The following PPP4R3A variants were observed in gnomAD, a reference collection of about 807,000 sequenced individuals.
The protein encoded by PPP4R3A is protein phosphatase 4 regulatory subunit 3A, also known as serine/threonine-protein phosphatase 4 regulatory subunit 3A.
A neutral mutation model predicts 91.7 loss-of-function variants in PPP4R3A; 15 were observed. The observed-to-expected ratio is 0.16, with a 90% CI of 0.11 to 0.25. The LOEUF is 0.25. Among genes scored for constraint, PPP4R3A ranks in the 10% least tolerant of loss-of-function variants. The pLI, the probability that PPP4R3A is intolerant of heterozygous loss-of-function variation, is 1.00. For missense variants in PPP4R3A, 623 were observed against 998.4 expected (o/e 0.62, Z 5.07); for synonymous variants, 377 against 348.7 (o/e 1.08, Z -0.91).
At position 91,458,660 on chromosome 14, in the gene PPP4R3A, TTCAC is replaced by T; in HGVS notation, c.*95_*98del. The stretch of plus-strand genomic sequence containing the variant: ...GTAAGAGGCTGATCTGTGTCAGTCA[TTCAC>T]AAGAGACCACTGCGCTTTGTTGTGG... On this transcript the variant is annotated 3_prime_UTR_variant, in exon 15 of 15. Coordinates refer to ENST00000554943, the MANE Select transcript of PPP4R3A (RefSeq NM_001366432.2). 1 of 1,557,558 alleles carries T rather than the reference TTCAC, an allele frequency of 6.4e-7. No individual in the cohort carries two copies. The highest frequency in any genetic ancestry group is 8.9e-7 in the Non-Finnish European group (1 of 1,129,552).
chr14:91,505,948 A>AT (rs5810541), intron 1 of PPP4R3A, among the ~76,000 whole-genome samples: 55,398 of 148,378 alleles, frequency 0.37, 10,366 homozygotes, highest in East Asian at 0.47. Flanking sequence ...TATAATTGAA[A>AT]TTTTTTTTTT....
In PPP4R3A at chr14:91,494,297, A is replaced by G. The variant is rs576631552; in HGVS notation, c.143-3495T>C. On this transcript the variant is annotated intron_variant, in intron 1 of 14. Transcript: ENST00000554943. Reference sequence around the variant, plus strand: ...ACTGCACAAAAGTACAACCTATATAAAAGAAAAAATTGGGCATCACAATTA... The same window carrying G: ...ACTGCACAAAAGTACAACCTATATAGAAGAAAAAATTGGGCATCACAATTA... Among the ~76,000 whole-genome samples the G allele has an allele frequency of 2.6e-5, 4 of 152,310 alleles. No individual in the cohort carries two copies. In the South Asian group the frequency reaches 8.3e-4, roughly 32 times the overall value.
chr14:91,473,110 C>G lies in PPP4R3A; in HGVS notation c.1424G>C (p.Gly475Ala), dbSNP rs762031947. 6.2e-7 allele frequency: 1 copy of G among 1,614,116 alleles called. No homozygotes were observed. Among genetic ancestry groups the G allele is most frequent in the Non-Finnish European group, 8.5e-7 (1 of 1,180,014 alleles). ...ANKTEKTEFL[G>A]FFYKHCMHVL... is the part of the protein sequence containing the mutation. ...ATGCATACAGTGCTTGTAGAAGAAA[C>G]CCAGAAATTCAGTCTTTTCTGTTTT... Residue 475 changes from glycine to alanine, a missense_variant, in exon 9 of 15, where the codon GGT becomes GCT. Around this residue, in one of 5 missense-constraint regions of PPP4R3A, gnomAD observed 87 missense variants for 233.9 expected, o/e 0.37. Transcript: ENST00000554943.
chr14:91,462,631 G>A, intron 12 of PPP4R3A, 104 bp downstream of exon 12: 1 of 1,277,642 alleles, frequency 7.8e-7, no homozygotes, highest in Non-Finnish European at 1.1e-6. Context: ...GCTATCTGCT[G>A]ATTTCCCTGT....
At position 91,488,873 on chromosome 14, in the gene PPP4R3A, AC is replaced by A. The variant is rs532089863; in HGVS notation, c.198+1873del. 6.9e-3 allele frequency among the ~76,000 whole-genome samples: 1,022 copies of A among 149,096 alleles called. 20 individuals carry two copies. The highest frequency in any genetic ancestry group is 0.024 in the African/African-American group (961 of 40,396). On this transcript the variant is annotated intron_variant, in intron 2 of 14. Coordinates refer to ENST00000554943, the MANE Select transcript of PPP4R3A (RefSeq NM_001366432.2). ...CATCATTAGGATGGGAAAGATATAT[AC>A]TGTTATGAAAACTAGTCATAATATA...
intron 1 of PPP4R3A, among the ~76,000 whole-genome samples, chr14:91,498,911 C>A (rs1890760851): frequency 8.4e-6 from 1 of 119,744 alleles, no homozygotes; most frequent in South Asian, 2.8e-4. Context: ...GAGTGAGACT[C>A]CAACTCAAAA....
At chr14:91,459,004 AAACTTCAATTC>A (rs1406392240) in intron 14 of PPP4R3A, 135 bp from the exon 15 acceptor site, 42 of 957,762 alleles carry the variant, frequency 4.4e-5, no homozygotes, top group African/African-American at 8.3e-5. Flanking sequence ...GGACTGTGTT[AAACTTCAATTC>A]ATTATGTTTA....
At chr14:91,468,685 AAAAAGGAAAAAAG>A in intron 10 of PPP4R3A, among the ~76,000 whole-genome samples, 43 of 147,782 alleles carry the variant, frequency 2.9e-4, no homozygotes, top group African/African-American at 1.1e-3. Context: ...AAAAAAAAAA[AAAAAGGAAAAAAG>A]AAAAAAAAGA....
chr14:91,505,256 C>G (rs1891220742), intron 1 of PPP4R3A, among the ~76,000 whole-genome samples: 1 of 152,096 alleles, frequency 6.6e-6, no homozygotes, highest in African/African-American at 2.4e-5. Flanking sequence ...AGTTCAAGAC[C>G]AGCCTGGCCA....
intron 1 of PPP4R3A, among the ~76,000 whole-genome samples, chr14:91,506,337 G>A (rs920995457): frequency 6.6e-6 from 1 of 152,158 alleles, no homozygotes; most frequent in Non-Finnish European, 1.5e-5. Flanking sequence ...ACAGTAACAT[G>A]GGAGTTTAAT....
intron 1 of PPP4R3A, among the ~76,000 whole-genome samples, chr14:91,494,260 C>G (rs1180886513): frequency 6.6e-6 from 1 of 152,116 alleles, no homozygotes; most frequent in Non-Finnish European, 1.5e-5. Flanking sequence ...AAACGCTTCT[C>G]TAAAAGTTAA....
Position 91,475,940 on chromosome 14 carries a change from A to C in PPP4R3A, c.1137T>G (p.Ser379Arg). 1 of 1,601,372 alleles carries C rather than the reference A, an allele frequency of 6.2e-7. No individual in the cohort carries two copies. Among genetic ancestry groups the C allele is most frequent in the Non-Finnish European group, 8.5e-7 (1 of 1,176,674 alleles). The change falls in exon 7 of 15, where the codon AGT (serine) becomes AGG (arginine). Residue 379 changes from serine to arginine, a missense_variant. Around this residue, in one of 5 missense-constraint regions of PPP4R3A, gnomAD observed 264 missense variants for 377.3 expected, o/e 0.70. Transcript: ENST00000554943. ...ILGMDDTQVR[S>R]AATDIFSYLV... ...AGTATGAGAATATATCAGTAGCAGCACTTCGCACCTGTGTATCATCCATGC... is the reference window on the plus strand; with the variant it reads ...AGTATGAGAATATATCAGTAGCAGCCCTTCGCACCTGTGTATCATCCATGC...
chr14:91,499,022 T>G (rs1890771749), intron 1 of PPP4R3A, among the ~76,000 whole-genome samples: 1 of 151,826 alleles, frequency 6.6e-6, no homozygotes, highest in South Asian at 2.1e-4. Flanking sequence ...CTTGATCTCA[T>G]GATCTGCCCC....
intron 14 of PPP4R3A, 140 bp downstream of exon 14, chr14:91,461,241 G>A (rs1205033719): frequency 4.0e-5 from 29 of 719,830 alleles, no homozygotes; most frequent in East Asian, 7.8e-5. Context: ...AAGTTCAAGC[G>A]GTGGGGGGGA....
intron 4 of PPP4R3A, among the ~76,000 whole-genome samples, chr14:91,480,897 T>C (rs1889515905): frequency 1.3e-5 from 2 of 151,932 alleles, no homozygotes; most frequent in African/African-American, 2.4e-5. Context: ...AAGGTGGCTA[T>C]GGTAGCATGC....
intron 1 of PPP4R3A, among the ~76,000 whole-genome samples, chr14:91,508,071 G>T (rs368832198): frequency 7.9e-5 from 12 of 152,268 alleles, no homozygotes; most frequent in African/African-American, 2.6e-4. Context: ...CCAAATGTGT[G>T]AAAGATCTAG....
chr14:91,507,638 A>AGAG (rs1891489668), intron 1 of PPP4R3A, among the ~76,000 whole-genome samples: 1 of 146,652 alleles, frequency 6.8e-6, no homozygotes, highest in African/African-American at 2.5e-5. Context: ...ATATACTATA[A>AGAG]TAATATATAC....
At chr14:91,482,277 A>G (rs45604648) in intron 3 of PPP4R3A, 84 bp from the exon 4 acceptor site, 36,501 of 1,390,910 alleles carry the variant, frequency 0.026, 557 homozygotes, top group Non-Finnish European at 0.03. Flanking sequence ...AATACTAGAA[A>G]TGTTGTAAGA....
intron 1 of PPP4R3A, among the ~76,000 whole-genome samples, chr14:91,491,960 T>C (rs1386710638): frequency 6.6e-6 from 1 of 152,128 alleles, no homozygotes. Flanking sequence ...CATCTTGGCC[T>C]CCCAAAGTGC....
Sources: allele counts gnomAD v4.1 joint callset (sites outside exome capture counted in the v4.1 genomes callset), GRCh38; gene constraint gnomAD v4.1.1; regional missense constraint gnomAD v4.1.1; transcripts MANE v1.5; gene names NCBI Gene and HGNC (gene_info 2026-07-23, HGNC 2026-07-21).